The following HIGD1C variants were observed in gnomAD, a reference collection of about 807,000 sequenced individuals.
HIGD1C encodes HIG1 domain family member 1C.
In HIGD1C, 11 loss-of-function variants were observed where a neutral mutation model predicts 13.1. The ratio of observed to expected loss-of-function variants is 0.84; its 90% CI spans 0.53 to 1.39. The LOEUF (loss-of-function observed/expected upper bound fraction) is 1.39. Among genes scored for constraint, HIGD1C ranks in the 40% most tolerant of loss-of-function variants. The pLI, the probability that HIGD1C is intolerant of heterozygous loss-of-function variation, is 0.00. For synonymous variants in HIGD1C, 36 were observed against 37.7 expected (o/e 0.95, Z 0.17); for missense variants, 110 against 112.0 (o/e 0.98, Z 0.08).
chr12:50,938,902 A>T, the HIGD1C span, among the ~76,000 whole-genome samples: 1 of 152,170 alleles, frequency 6.6e-6, no homozygotes, highest in East Asian at 1.9e-4. Context: ...CAACTGACTC[A>T]ATCTTCCTTG....
upstream of HIGD1C, among the ~76,000 whole-genome samples, chr12:50,950,670 A>ATTTTT (rs57553489): frequency 3.4e-5 from 3 of 87,686 alleles, no homozygotes; most frequent in Admixed American, 1.4e-4. Context: ...TGCCCAGCTA[A>ATTTTT]TTTTTTTTTT....
chr12:50,936,464 G>A, the HIGD1C span, among the ~76,000 whole-genome samples: 17 of 152,218 alleles, frequency 1.1e-4, 1 homozygote, highest in Admixed American at 2.0e-4. Flanking sequence ...CTACAAGACA[G>A]GGATAATTAT....
exon 2 of HIGD1C, chr12:50,961,009 A>G: frequency 6.2e-7 from 1 of 1,609,316 alleles, no homozygotes; most frequent in Non-Finnish European, 8.5e-7. Flanking sequence ...TGGTCTTTAC[A>G]AGCTAAAGTA....
chr12:50,941,605 T>C, the HIGD1C span, among the ~76,000 whole-genome samples: 1 of 152,164 alleles, frequency 6.6e-6, no homozygotes, highest in Non-Finnish European at 1.5e-5. Context: ...AGAAAAATGC[T>C]CCTACAAATA....
chr12:50,949,508 A>G (rs899373507), upstream of HIGD1C: 1 of 125,064 alleles, frequency 8.0e-6, no homozygotes, highest in African/African-American at 3.0e-5. Context: ...GACATGTCTC[A>G]TTATTCTTTG....
chr12:50,963,001 T>C (rs1314837602), intron 2 of HIGD1C, among the ~76,000 whole-genome samples: 3 of 147,496 alleles, frequency 2.0e-5, no homozygotes, highest in African/African-American at 7.7e-5. Context: ...GTATTTGAAC[T>C]TATATAATTA....
the HIGD1C span, chr12:50,935,439 T>C: frequency 2.0e-5 from 3 of 152,194 alleles, no homozygotes; most frequent in African/African-American, 4.8e-5. Flanking sequence ...GAGAACTACA[T>C]GGTAACATAT....
the HIGD1C span, among the ~76,000 whole-genome samples, chr12:50,946,435 C>T: frequency 6.6e-6 from 1 of 152,174 alleles, no homozygotes; most frequent in Non-Finnish European, 1.5e-5. Context: ...TGAACAGACA[C>T]TTCTCAAAAG....
chr12:50,970,406 T>C (rs1939719019), intron 2 of HIGD1C, 36 bp from the exon 5 acceptor site: 2 of 1,041,450 alleles, frequency 1.9e-6, no homozygotes, highest in African/African-American at 1.6e-5. Flanking sequence ...TTGTTTCCCA[T>C]GGATACTCAA....
At chr12:50,962,933 T>A (rs1412005302) in intron 2 of HIGD1C, among the ~76,000 whole-genome samples, 2 of 151,988 alleles carry the variant, frequency 1.3e-5, no homozygotes, top group East Asian at 3.9e-4. Flanking sequence ...GGCGAATCAG[T>A]GTTTGAGGAG....
At chr12:50,942,596 G>A in the HIGD1C span, among the ~76,000 whole-genome samples, 1 of 152,200 alleles carries the variant, frequency 6.6e-6, no homozygotes, top group Non-Finnish European at 1.5e-5. Context: ...GCTGGGTGTA[G>A]TGGCTCATGC....
upstream of HIGD1C, chr12:50,949,270 T>C: frequency 6.5e-6 from 1 of 154,232 alleles, no homozygotes; most frequent in Non-Finnish European, 1.5e-5. Flanking sequence ...CTCATTGCCA[T>C]GGCTTTCAGG....
the HIGD1C span, among the ~76,000 whole-genome samples, chr12:50,942,392 T>C: frequency 6.6e-6 from 1 of 152,166 alleles, no homozygotes; most frequent in African/African-American, 2.4e-5. Flanking sequence ...GTCTCATCCT[T>C]TCTTCCCCCA....
chr12:50,939,368 C>T, the HIGD1C span, among the ~76,000 whole-genome samples: 1 of 152,138 alleles, frequency 6.6e-6, no homozygotes, highest in African/African-American at 2.4e-5. Flanking sequence ...GGCTGGTCTC[C>T]AAAACCTGGC....
upstream of HIGD1C, among the ~76,000 whole-genome samples, chr12:50,950,182 T>C (rs1210578810): frequency 1.3e-5 from 2 of 152,146 alleles, no homozygotes; most frequent in Admixed American, 6.6e-5. Flanking sequence ...GTACCAGTGC[T>C]GATGGGCCAG....
At chr12:50,945,357 CCTT>C in the HIGD1C span, among the ~76,000 whole-genome samples, 14 of 152,194 alleles carry the variant, frequency 9.2e-5, no homozygotes, top group Non-Finnish European at 1.6e-4. Context: ...TCCAAAATCT[CCTT>C]AAGCTGATAA....
At chr12:50,938,336 T>C in the HIGD1C span, among the ~76,000 whole-genome samples, 3 of 152,296 alleles carry the variant, frequency 2.0e-5, no homozygotes, top group Admixed American at 2.0e-4. Context: ...GTGCTGGAGC[T>C]TGGGGCTACA....
the HIGD1C span, among the ~76,000 whole-genome samples, chr12:50,941,154 A>C: frequency 2.6e-5 from 4 of 151,704 alleles, no homozygotes; most frequent in South Asian, 2.1e-4. Flanking sequence ...ACCCAGCTGA[A>C]TTTTTTCATT....
chr12:50,968,399 G>GT (rs1294479030), intron 2 of HIGD1C, among the ~76,000 whole-genome samples: 1 of 148,920 alleles, frequency 6.7e-6, no homozygotes, highest in Admixed American at 6.7e-5. Context: ...TTGTGTGTGT[G>GT]TGGGGGGAGA....
Sources: gnomAD v4.1 joint callset for allele counts (sites outside exome capture counted in the v4.1 genomes callset) on GRCh38, gnomAD v4.1.1 for gene constraint, MANE v1.5 for transcripts, NCBI Gene and HGNC (gene_info 2026-07-23, HGNC 2026-07-21) for gene names.